ABCA7: variants seen among roughly 807,000 people sequenced by gnomAD.
The protein encoded by ABCA7 is ATP binding cassette subfamily A member 7, also known as phospholipid-transporting ATPase ABCA7.
A neutral mutation model predicts 227.6 loss-of-function variants in ABCA7; 261 were observed. The ratio of observed to expected loss-of-function variants is 1.15; its 90% CI spans 1.04 to 1.27. The LOEUF (loss-of-function observed/expected upper bound fraction) is 1.27, where lower values mean the gene tolerates loss of function less well. Ranked by LOEUF, ABCA7 falls within the 50% of genes most tolerant of loss-of-function variation. ABCA7 has a pLI of 0.00. For synonymous variants in ABCA7, 1,488 were observed against 1,279.7 expected (o/e 1.16, Z -3.47); for missense variants, 3,331 against 2,924.5 (o/e 1.14, Z -3.21).
In ABCA7 at chr19:1,054,685, C is replaced by T; in HGVS notation, c.3842C>T (p.Ser1281Phe). Residue 1281 changes from serine to phenylalanine, a missense_variant, in exon 28 of 47, where the codon TCC becomes TTC. Physicochemically the swap from Ser to Phe is radical, Grantham distance 155. Coordinates refer to ENST00000263094, the MANE Select transcript of ABCA7 (RefSeq NM_019112.4). This position sits in a 1 kb window ranked among gnomAD's most constrained non-coding sequence, Gnocchi z 4.8. ...CCCACCATGTACGGTGCTCAGGTGT[C>T]CTTCTTCAGGTGGGTGCAGAAGGAA... is the stretch of plus-strand genomic sequence containing the variant. ...LSPTMYGAQV[S>F]FFSEDAPGDP... 6.2e-7 allele frequency: 1 copy of T among 1,612,786 alleles called. No homozygotes were observed. Among genetic ancestry groups the T allele is most frequent in the Middle Eastern group, 1.7e-4 (1 of 6,060 alleles).
intron 21 of ABCA7, 146 bp downstream of exon 21, chr19:1,051,732 C>G (rs144071369): frequency 9.5e-7 from 1 of 1,056,996 alleles, no homozygotes; most frequent in Non-Finnish European, 1.3e-6. Flanking sequence ...GCTCAAATAC[C>G]GAGACAGTAA....
chr19:1,044,916 C>T, intron 11 of ABCA7, 86 bp from the exon 12 acceptor site: 6 of 1,539,122 alleles, frequency 3.9e-6, no homozygotes, highest in Non-Finnish European at 5.3e-6. Flanking sequence ...AAAACATGGC[C>T]CAGCCCCGAG....
intron 14 of ABCA7, 35 bp downstream of exon 14, chr19:1,047,059 G>T (rs375721421): frequency 6.2e-5 from 96 of 1,551,324 alleles, no homozygotes; most frequent in East Asian, 5.8e-4. Flanking sequence ...CTGCAGAATG[G>T]GTGCGCTGGA....
rs770863860 is a variant in ABCA7, at chr19:1,054,217, AG to A, written c.3605del (p.Gly1202AlafsTer15). 25 of 1,608,650 alleles carry A rather than the reference AG, an allele frequency of 1.6e-5. No homozygotes were observed. In the East Asian group the frequency reaches 5.6e-4, roughly 36 times the overall value. ...EPAGSAPETD[Q>X]GSGPDAVGRV... ...GCTGGGTCAGCCCCAGAGACTGACC[AG>A]GGCTCTGGGCCAGACGCCGTGGGCC... On this transcript the variant is annotated frameshift_variant, in exon 27 of 47. Transcript: ENST00000263094. LOFTEE classifies it high-confidence loss of function. The surrounding 1 kb of genome is among the most constrained non-coding windows in gnomAD (Gnocchi z 4.8).
At position 1,052,285 on chromosome 19, in the gene ABCA7, C is replaced by T. The variant is rs372686297; in HGVS notation, c.3219C>T (p.Val1073=). ...AGAATGGCAGCCAGGGCAGCAGAGT[C>T]GGTGAGGGCCGGGGTGGGAGACCCA... ...EKKNGSQGSR[V]GTPQLLALVQ... The change falls in exon 23 of 47, where the codon GTC becomes GTT. Residue 1073 remains valine (V), a splice_region_variant and synonymous_variant. Coordinates refer to ENST00000263094, the MANE Select transcript of ABCA7 (RefSeq NM_019112.4). The T allele has an allele frequency of 1.6e-5, 22 of 1,334,494 alleles. No individual in the cohort carries two copies. The highest frequency in any genetic ancestry group is 9.7e-5 in the Admixed American group (4 of 41,156). 82.7% of individuals were successfully genotyped at this position (1,334,494 alleles called of 1,614,324 possible). A position where few individuals can be genotyped will look rare whatever the true frequency, so the allele number is the denominator to read the frequency against.
chr19:1,058,295 C>T (rs953407884), intron 37 of ABCA7, 26 bp downstream of exon 37: 7 of 1,611,572 alleles, frequency 4.3e-6, no homozygotes, highest in African/African-American at 1.3e-5. Flanking sequence ...CAGGTGGGGC[C>T]ATGGCTACAG....
chr19:1,050,206 T>C (rs888497043), intron 18 of ABCA7, among the ~76,000 whole-genome samples: 12 of 150,828 alleles, frequency 8.0e-5, no homozygotes, highest in African/African-American at 2.7e-4. Flanking sequence ...AGGTCAGAGT[T>C]TGAGACACAG....
At chr19:1,042,272 C>G in intron 5 of ABCA7, 43 bp from the exon 6 acceptor site, 1 of 1,578,314 alleles carries the variant, frequency 6.3e-7, no homozygotes, top group Non-Finnish European at 8.7e-7. Context: ...TGCCTCAGAC[C>G]AACGTCCCCC....
chr19:1,053,919 CA>C, intron 25 of ABCA7, 83 bp downstream of exon 25: 1 of 1,593,864 alleles, frequency 6.3e-7, no homozygotes, highest in Non-Finnish European at 8.6e-7. Context: ...TAGTGTGGCC[CA>C]AGGCATAGCC....
At position 1,065,554 on chromosome 19, in the gene ABCA7, A is replaced by G; in HGVS notation, c.*129A>G. ...GGAGAAAATAAAGAGAAGGCTGGAG[A>G]GAAGCCGTGGTGGTGAAACCGTGTG... On this transcript the variant is annotated 3_prime_UTR_variant, in exon 47 of 47. Coordinates refer to ENST00000263094, the MANE Select transcript of ABCA7 (RefSeq NM_019112.4). The G allele has an allele frequency of 1.7e-6, 2 of 1,167,852 alleles. No individual in the cohort carries two copies. Among genetic ancestry groups the G allele is most frequent in the Non-Finnish European group, 2.4e-6 (2 of 841,088 alleles). 72.3% of individuals were successfully genotyped at this position (1,167,852 alleles called of 1,614,324 possible). A position where few individuals can be genotyped will look rare whatever the true frequency, so the allele number is the denominator to read the frequency against.
chr19:1,061,078 G>T (rs2042620860), intron 40 of ABCA7, among the ~76,000 whole-genome samples: 1 of 152,030 alleles, frequency 6.6e-6, no homozygotes, highest in Non-Finnish European at 1.5e-5. Context: ...CCCACCCACG[G>T]CCTTCCATGT....
At position 1,043,380 on chromosome 19, in the gene ABCA7, G is replaced by T. The variant is rs763681943; in HGVS notation, c.837G>T (p.Leu279=). ...TTGGAGCCCTGGACAGCCACCCGCT[G>T]TCCCGCCTGCTCTGGAGACGCCTGA... is the stretch of plus-strand genomic sequence containing the variant. ...ELIGALDSHP[L]SRLLWRRLKP... is the part of the protein sequence containing the mutation. Residue 279 remains leucine, a synonymous_variant, in exon 9 of 47, where the codon CTG becomes CTT. Coordinates refer to ENST00000263094, the MANE Select transcript of ABCA7 (RefSeq NM_019112.4). 6.2e-7 allele frequency: 1 copy of T among 1,613,188 alleles called. No individual in the cohort carries two copies. Among genetic ancestry groups the T allele is most frequent in the Non-Finnish European group, 8.5e-7 (1 of 1,180,024 alleles).
chr19:1,049,344 C>G lies in ABCA7; in HGVS notation c.2459C>G (p.Pro820Arg), dbSNP rs1456262672. The change falls in exon 18 of 47, where the codon CCG becomes CGG. Residue 820 changes from proline to arginine, a missense_variant. Transcript: ENST00000263094. ...CTGGAGAAGCGCTTTCCTGGAAGCC[C>G]GCAGCCAGCCCTGCGGGGGCTCAGC... ...RSLEKRFPGS[P>R]QPALRGLSLD... The G allele has an allele frequency of 4.0e-5, 64 of 1,611,472 alleles. No homozygotes were observed. Among genetic ancestry groups the G allele is most frequent in the Non-Finnish European group, 5.1e-5 (60 of 1,179,280 alleles).
At position 1,054,819 on chromosome 19, in the gene ABCA7, C is replaced by A; in HGVS notation, c.3891C>A (p.Leu1297=). The A allele has an allele frequency of 1.3e-6, 2 of 1,578,060 alleles. No individual in the cohort carries two copies. The highest frequency in any genetic ancestry group is 1.1e-5 in the South Asian group (1 of 87,204). ...APGDPGRARL[L]EALLQEAGLE... is the part of the protein sequence containing the mutation. ...GGGACCCTGGACGTGCCCGGCTGCT[C>A]GAGGCGCTGCTGCAGGAGGCAGGAC... Residue 1297 remains leucine, a synonymous_variant, in exon 29 of 47, where the codon CTC becomes CTA. Transcript: ENST00000263094. This position sits in a 1 kb window ranked among gnomAD's most constrained non-coding sequence, Gnocchi z 4.8.
At chr19:1,050,786 AAT>A in intron 18 of ABCA7, 133 bp from the exon 19 acceptor site, 2 of 122,998 alleles carry the variant, frequency 1.6e-5, no homozygotes, top group Non-Finnish European at 1.2e-5. Flanking sequence ...TCTCAAAAAT[AAT>A]AATAATAATA....
Position 1,058,132 on chromosome 19 carries a change from C to T in ABCA7, c.5026-14C>T. ...TCAGCCCCTGACCAACATCCGTCTC[C>T]CACCCTTGAGCAGAAGCTGCAGGAG... On this transcript the variant is annotated splice_polypyrimidine_tract_variant and intron_variant, in intron 36 of 46. Transcript: ENST00000263094. 2.5e-6 allele frequency: 4 copies of T among 1,613,974 alleles called. No individual in the cohort carries two copies. Among genetic ancestry groups the T allele is most frequent in the Non-Finnish European group, 3.4e-6 (4 of 1,179,990 alleles).
Position 1,051,228 on chromosome 19 carries a change from C to T in ABCA7, c.2758C>T (p.Gln920Ter), listed in dbSNP as rs968673550. The change falls in exon 20 of 47, where the codon CAG becomes TAG. Residue 920 changes from glutamine to a stop codon, truncating the protein, a stop_gained. Coordinates refer to ENST00000263094, the MANE Select transcript of ABCA7 (RefSeq NM_019112.4). LOFTEE classifies it high-confidence loss of function. The part of the protein sequence containing the change: ...GLSAAVVGPE[Q>*]DRLLQDVGLV... ...GAGTGCCGCTGTAGTGGGCCCCGAG[C>T]AGGACCGTCTGCTGCAGGATGTGGG... The T allele has an allele frequency of 1.9e-6, 3 of 1,610,620 alleles. No individual in the cohort carries two copies. In the East Asian group the frequency reaches 6.7e-5, roughly 36 times the overall value.
chr19:1,062,909 GC>G (rs2042759494), intron 42 of ABCA7, among the ~76,000 whole-genome samples: 1 of 144,856 alleles, frequency 6.9e-6, no homozygotes, highest in Non-Finnish European at 1.5e-5. Context: ...CCACACCATG[GC>G]CCCGCCCCAT....
At position 1,063,593 on chromosome 19, in the gene ABCA7, G is replaced by C. The variant is rs754905789; in HGVS notation, c.5762G>C (p.Arg1921Pro). 2.5e-6 allele frequency: 4 copies of C among 1,611,054 alleles called. No homozygotes were observed. The highest frequency in any genetic ancestry group is 3.4e-6 in the Non-Finnish European group (4 of 1,179,920). The change falls in exon 43 of 47, where the codon CGG becomes CCG. Residue 1921 changes from arginine to proline, a missense_variant. Transcript: ENST00000263094. ...ARLGLSWYADRPAGTYSGGNK... is the reference protein window; with the variant it reads ...ARLGLSWYADPPAGTYSGGNK... ...CTGGGACTCTCATGGTACGCAGACC[G>C]GCCTGCAGGCACCTACAGCGGAGGG...
Sources: gnomAD v4.1 joint callset for allele counts (sites outside exome capture counted in the v4.1 genomes callset) on GRCh38, gnomAD v4.1.1 for gene constraint, Gnocchi (gnomAD v3.1) non-coding constraint, MANE v1.5 for transcripts, NCBI Gene and HGNC (gene_info 2026-07-23, HGNC 2026-07-21) for gene names.